The following EVA1A variants were observed in gnomAD, a reference collection of about 807,000 sequenced individuals.
EVA1A encodes protein eva-1 homolog A.
EVA1A carries 7 observed loss-of-function variants against 9.8 expected under a neutral mutation model. That is an observed-to-expected ratio of 0.71 (90% CI 0.41 to 1.34). The LOEUF is 1.34. Among genes scored for constraint, EVA1A ranks in the 40% most tolerant of loss-of-function variants. The pLI, the probability that EVA1A is intolerant of heterozygous loss-of-function variation, is 0.01. For missense variants in EVA1A, 206 were observed against 205.9 expected (o/e 1.00, Z 0.00); for synonymous variants, 90 against 85.6 (o/e 1.05, Z -0.28).
intron 1 of EVA1A, among the ~76,000 whole-genome samples, chr2:75,531,262 G>T (rs572005696): frequency 6.6e-6 from 1 of 152,248 alleles, no homozygotes; most frequent in African/African-American, 2.4e-5. Context: ...ATAGATGTTG[G>T]CATGGATGTG....
intron 1 of EVA1A, among the ~76,000 whole-genome samples, chr2:75,552,976 A>C (rs1010005716): frequency 5.3e-5 from 8 of 152,250 alleles, no homozygotes; most frequent in African/African-American, 1.7e-4. Flanking sequence ...GAAATCCTGC[A>C]GTAGCTCCCC....
chr2:75,493,113 G>T lies in EVA1A; in HGVS notation c.*123C>A. 7.2e-7 allele frequency: 1 copy of T among 1,384,796 alleles called. No homozygotes were observed. Among genetic ancestry groups the T allele is most frequent in the Non-Finnish European group, 9.8e-7 (1 of 1,023,038 alleles). 85.8% of individuals were successfully genotyped at this position (1,384,796 alleles called of 1,614,324 possible). ...ATCCTCCTGGCTAGAAAAGGGGCAT[G>T]TCCTGCTTTTTCTCTGAAATCACAA... On this transcript the variant is annotated 3_prime_UTR_variant, in exon 4 of 4. Coordinates refer to ENST00000393913, the MANE Select transcript of EVA1A (RefSeq NM_001135032.2).
At chr2:75,546,159 A>G (rs574392932) in intron 1 of EVA1A, among the ~76,000 whole-genome samples, 1 of 152,300 alleles carries the variant, frequency 6.6e-6, no homozygotes, top group African/African-American at 2.4e-5. Context: ...TCCTAGCAAC[A>G]GTAGGGAGCC....
At chr2:75,501,971 G>T (rs180877214) in intron 3 of EVA1A, among the ~76,000 whole-genome samples, 3 of 152,174 alleles carry the variant, frequency 2.0e-5, no homozygotes, top group African/African-American at 7.2e-5. Flanking sequence ...ACCCAAGGAA[G>T]ACAATTCCCC....
intron 1 of EVA1A, among the ~76,000 whole-genome samples, chr2:75,539,912 C>G (rs1235759620): frequency 6.6e-6 from 1 of 152,046 alleles, no homozygotes; most frequent in Non-Finnish European, 1.5e-5. Context: ...AGCCCAGGAG[C>G]CAGAGTCACC....
chr2:75,531,329 T>C (rs1675641026), intron 1 of EVA1A, among the ~76,000 whole-genome samples: 1 of 152,208 alleles, frequency 6.6e-6, no homozygotes, highest in Admixed American at 6.5e-5. Flanking sequence ...ACGACCACTA[T>C]ACGACAGTAC....
At chr2:75,566,356 G>A (rs957270476) in intron 1 of EVA1A, among the ~76,000 whole-genome samples, 2 of 146,460 alleles carry the variant, frequency 1.4e-5, no homozygotes, top group African/African-American at 4.9e-5. Context: ...CGTTCTCCAG[G>A]CCTTGTCTTT....
rs142840123 is a variant in EVA1A at position 75,547,278 on chromosome 2, C to T, written c.-192+13402G>A. On this transcript the variant is annotated intron_variant, in intron 1 of 3. Transcript: ENST00000393913. ...ATGGATGGAGCTTCATGCCACCCAC[C>T]GGGTGAGGAGAAAAGATTCTGCATC... is the stretch of plus-strand genomic sequence containing the variant. Among the ~76,000 whole-genome samples the T allele has an allele frequency of 5.6e-4, 85 of 152,232 alleles. 1 individual carries two copies. The East Asian group carries it at 9.8e-3, about 18-fold the overall frequency.
At chr2:75,553,163 C>T (rs1456237190) in intron 1 of EVA1A, among the ~76,000 whole-genome samples, 1 of 152,198 alleles carries the variant, frequency 6.6e-6, no homozygotes, top group African/African-American at 2.4e-5. Flanking sequence ...GCCTAGGCTC[C>T]ACTTCTCCTC....
chr2:75,522,694 T>A (rs181086838), intron 1 of EVA1A, among the ~76,000 whole-genome samples: 2 of 152,174 alleles, frequency 1.3e-5, no homozygotes, highest in Admixed American at 6.5e-5. Flanking sequence ...GATAAACCAG[T>A]CTCCCAGGGT....
intron 3 of EVA1A, among the ~76,000 whole-genome samples, chr2:75,507,389 C>A (rs1674654038): frequency 6.6e-6 from 1 of 152,196 alleles, no homozygotes; most frequent in Admixed American, 6.5e-5. Context: ...GCTAGGACTG[C>A]AAATTGAGTA....
intron 1 of EVA1A, among the ~76,000 whole-genome samples, chr2:75,537,568 G>A (rs1675958910): frequency 6.6e-6 from 1 of 152,056 alleles, no homozygotes; most frequent in Admixed American, 6.6e-5. Flanking sequence ...AGATCCCAAG[G>A]AATTTACCCA....
intron 3 of EVA1A, among the ~76,000 whole-genome samples, chr2:75,513,198 A>T (rs1041569786): frequency 1.3e-5 from 2 of 152,150 alleles, no homozygotes; most frequent in Non-Finnish European, 2.9e-5. Flanking sequence ...TTTTCTACAC[A>T]TATGCTTTGT....
chr2:75,500,143 T>A lies in EVA1A; in HGVS notation c.86-6534A>T, dbSNP rs78948341. 1.9e-3 allele frequency among the ~76,000 whole-genome samples: 284 copies of A among 152,240 alleles called. 6 individuals are homozygous for A. The highest frequency in any genetic ancestry group is 6.6e-3 in the African/African-American group (275 of 41,536). On this transcript the variant is annotated intron_variant, in intron 3 of 3. Coordinates refer to ENST00000393913, the MANE Select transcript of EVA1A (RefSeq NM_001135032.2). ...AAAAATGGCCACCAAGCAAAATAAC[T>A]GTTCCAAATATTGAAAAATTGATGT...
chr2:75,567,727 G>C (rs1482277810), intron 1 of EVA1A, among the ~76,000 whole-genome samples: 5 of 152,180 alleles, frequency 3.3e-5, no homozygotes, highest in Non-Finnish European at 7.3e-5. Context: ...AAACCAACTG[G>C]ATGGCAATGT....
At chr2:75,568,359 A>G (rs1016252194) in intron 1 of EVA1A, among the ~76,000 whole-genome samples, 3 of 149,996 alleles carry the variant, frequency 2.0e-5, no homozygotes, top group Non-Finnish European at 4.4e-5. Flanking sequence ...ATTAAAGGAT[A>G]TTGTTTAATA....
At chr2:75,503,081 G>A (rs879447178) in intron 3 of EVA1A, among the ~76,000 whole-genome samples, 8 of 152,150 alleles carry the variant, frequency 5.3e-5, no homozygotes, top group East Asian at 1.9e-4. Flanking sequence ...TCTAGCATCC[G>A]GATGTGGATT....
chr2:75,502,511 G>A (rs562372930), intron 3 of EVA1A, among the ~76,000 whole-genome samples: 27 of 152,138 alleles, frequency 1.8e-4, no homozygotes, highest in African/African-American at 6.5e-4. Context: ...AAAAATATTA[G>A]GGTATATACA....
intron 1 of EVA1A, among the ~76,000 whole-genome samples, chr2:75,559,323 C>G (rs767487442): frequency 8.5e-5 from 13 of 152,176 alleles, no homozygotes; most frequent in Non-Finnish European, 1.8e-4. Context: ...AATCAAAATT[C>G]CGTTGAAAAC....
Sources: gnomAD v4.1 joint callset for allele counts (sites outside exome capture counted in the v4.1 genomes callset) on GRCh38, gnomAD v4.1.1 for gene constraint, MANE v1.5 for transcripts, NCBI Gene and HGNC (gene_info 2026-07-23, HGNC 2026-07-21) for gene names.